ARHGEF2: variants seen among roughly 807,000 people sequenced by gnomAD.
ARHGEF2 encodes rho guanine nucleotide exchange factor 2.
Under a neutral mutation model 121.0 loss-of-function variants are expected in ARHGEF2, and 22 were observed. The ratio of observed to expected loss-of-function variants is 0.18; its 90% confidence interval spans 0.13 to 0.26. The LOEUF is 0.26. Ranked by LOEUF, ARHGEF2 falls within the 10% of genes least tolerant of loss-of-function variation. ARHGEF2 has a pLI of 1.00. For synonymous variants in ARHGEF2, 487 were observed against 530.0 expected (o/e 0.92, Z 1.11); for missense variants, 907 against 1,336.0 (o/e 0.68, Z 5.01).
In ARHGEF2 at chr1:155,952,756, G is replaced by C. The variant is rs779495043; in HGVS notation, c.1856C>G (p.Thr619Ser). 6.8e-6 allele frequency: 11 copies of C among 1,614,066 alleles called. No homozygotes were observed. In the Admixed American group the frequency reaches 1.8e-4, roughly 27 times the overall value. Residue 619 changes from threonine to serine, a missense_variant, in exon 15 of 22, where the codon ACC becomes AGC. Thr to Ser is a moderately conservative substitution (Grantham distance 58). Around this residue, in one of 2 missense-constraint regions of ARHGEF2, gnomAD observed 432 missense variants for 559.5 expected, o/e 0.77. Coordinates refer to ENST00000361247, the MANE Select transcript of ARHGEF2 (RefSeq NM_001162383.2). ...ACCATCCTCTTCGGCCTGGAAATGGGTCATCTCAGCAAACAGCCCGACCTT... is the reference window on the plus strand; with the variant it reads ...ACCATCCTCTTCGGCCTGGAAATGGCTCATCTCAGCAAACAGCCCGACCTT... ...REKVGLFAEMTHFQAEEDGGS... is the reference protein window; with the variant it reads ...REKVGLFAEMSHFQAEEDGGS...
chr1:155,972,378 C>T (rs1205824946), intron 1 of ARHGEF2: 7 of 445,746 alleles, frequency 1.6e-5, no homozygotes, highest in South Asian at 7.8e-5. Context: ...TGCTATTGTC[C>T]CGGAGGTTGC....
At position 155,962,620 on chromosome 1, in the gene ARHGEF2, T is replaced by C; in HGVS notation, c.1074A>G (p.Arg358=). 1 of 1,614,096 alleles carries C rather than the reference T, an allele frequency of 6.2e-7. No individual in the cohort carries two copies. The highest frequency in any genetic ancestry group is 1.1e-5 in the South Asian group (1 of 91,082). Residue 358 remains arginine (R), a synonymous_variant, in exon 9 of 22, where the codon CGA becomes CGG. Transcript: ENST00000361247. This position sits in a 1 kb window ranked among gnomAD's most constrained non-coding sequence, Gnocchi z 5.8. ...GGATGAATTGCTGGAAGCGTTTGTCTCGGGCGTACAGCTCCTTATAGAGCT... is the reference window on the plus strand; with the variant it reads ...GGATGAATTGCTGGAAGCGTTTGTCCCGGGCGTACAGCTCCTTATAGAGCT... ...ALKLYKELYA[R]DKRFQQFIRK...
chr1:155,947,734 G>A lies in ARHGEF2; in HGVS notation c.*208C>T, dbSNP rs932924134. The stretch of plus-strand genomic sequence containing the variant: ...AAGGCATGAACCACTGGCATCTGTG[G>A]TGTAGCTTTCGGATGTCCCAGGGGG... On this transcript the variant is annotated 3_prime_UTR_variant, in exon 22 of 22. Transcript: ENST00000361247. 5.5e-6 allele frequency: 3 copies of A among 544,784 alleles called. No homozygotes were observed. The highest frequency in any genetic ancestry group is 9.8e-6 in the Non-Finnish European group (3 of 304,980). 33.7% of individuals were successfully genotyped at this position (544,784 alleles called of 1,614,324 possible). A position where few individuals can be genotyped will look rare whatever the true frequency, so the allele number is the denominator to read the frequency against.
intron 14 of ARHGEF2, among the ~76,000 whole-genome samples, chr1:155,953,540 G>C (rs1391988286): frequency 6.6e-6 from 1 of 151,054 alleles, no homozygotes; most frequent in Non-Finnish European, 1.5e-5. Context: ...CCAGGAGTTC[G>C]AGACCAGCCT....
At chr1:155,948,725 C>T (rs1674792804) in intron 21 of ARHGEF2, among the ~76,000 whole-genome samples, 1 of 152,146 alleles carries the variant, frequency 6.6e-6, no homozygotes, top group Non-Finnish European at 1.5e-5. Context: ...CACTTAAGCC[C>T]AGGAGTTTGA....
chr1:155,957,886 C>A lies in ARHGEF2; in HGVS notation c.1546-4G>T, dbSNP rs1021446334. On this transcript the variant is annotated splice_polypyrimidine_tract_variant and splice_region_variant and intron_variant, in intron 12 of 21. Coordinates refer to ENST00000361247, the MANE Select transcript of ARHGEF2 (RefSeq NM_001162383.2). ...GCGATACCACTGAAGGCTTGTCCTG[C>A]CAGTCAGGGGAAAGGAAGGATTAAG... 1.2e-6 allele frequency: 2 copies of A among 1,612,646 alleles called. No individual in the cohort carries two copies. Among genetic ancestry groups the A allele is most frequent in the Non-Finnish European group, 1.7e-6 (2 of 1,179,238 alleles).
chr1:155,949,204 G>A (rs1572035802), intron 21 of ARHGEF2, among the ~76,000 whole-genome samples: 1 of 151,840 alleles, frequency 6.6e-6, no homozygotes, highest in East Asian at 1.9e-4. Context: ...AGTGAGCTGA[G>A]ATTGTGCCAC....
chr1:155,978,062 C>CT lies in ARHGEF2; in HGVS notation c.63+302dup, dbSNP rs1412361689. ...ACACCTCCCTCTTCCCGCTCCGTCC[C>CT]TTACCGGAGCAACTTTCTTTCAAGC... On this transcript the variant is annotated intron_variant, in intron 1 of 21. Transcript: ENST00000361247. This position sits in a 1 kb window ranked among gnomAD's most constrained non-coding sequence, Gnocchi z 4.1. 1.6e-5 allele frequency: 18 copies of CT among 1,142,486 alleles called. No homozygotes were observed. In the Middle Eastern group the frequency reaches 1.1e-3, roughly 68 times the overall value. The allele number at this position is 1,142,486 out of a possible 1,614,324, so 70.8% of individuals were successfully genotyped here.
chr1:155,952,545 G>C, intron 15 of ARHGEF2, 83 bp downstream of exon 15: 1 of 1,461,572 alleles, frequency 6.8e-7, no homozygotes, highest in Non-Finnish European at 9.3e-7. Flanking sequence ...CCACTTGTCT[G>C]TGTTTGTCCA....
At chr1:155,974,403 CAG>C (rs1236940720) in intron 1 of ARHGEF2, among the ~76,000 whole-genome samples, 3 of 152,144 alleles carry the variant, frequency 2.0e-5, no homozygotes, top group Non-Finnish European at 4.4e-5. Flanking sequence ...CCCTGTACAG[CAG>C]AGGCGCCGTT....
rs141465288 is a variant in ARHGEF2, at chr1:155,950,439, C to G, written c.2747G>C (p.Arg916Pro). 1.9e-5 allele frequency: 30 copies of G among 1,613,856 alleles called. No homozygotes were observed. In the African/African-American group the frequency reaches 3.9e-4, roughly 21 times the overall value. ...TDRLDLPVTT[R>P]SVHRNFEDRE... is the part of the protein sequence containing the mutation. ...GTCCTCAAAGTTTCGATGGACAGAG[C>G]GAGTAGTGACAGGTAGATCCAGGCG... The change falls in exon 21 of 22, where the codon CGC (arginine) becomes CCC (proline). Residue 916 changes from arginine (R) to proline (P), a missense_variant. By Grantham distance (103) the Arg-to-Pro change is moderately radical. This residue lies in a region of ARHGEF2 where 432 missense variants were observed against 559.5 expected (regional missense o/e 0.77). Transcript: ENST00000361247. This position sits in a 1 kb window ranked among gnomAD's most constrained non-coding sequence, Gnocchi z 5.2.
At chr1:155,975,170 T>A (rs1681105351) in intron 1 of ARHGEF2, among the ~76,000 whole-genome samples, 1 of 152,134 alleles carries the variant, frequency 6.6e-6, no homozygotes, top group Non-Finnish European at 1.5e-5. Context: ...ACGAACCCCC[T>A]ACTTTGCTGA....
chr1:155,966,774 A>C (rs1456819384), intron 3 of ARHGEF2, 46 bp downstream of exon 3: 7 of 1,513,912 alleles, frequency 4.6e-6, no homozygotes, highest in Admixed American at 1.7e-5. Flanking sequence ...GGTACCGCAC[A>C]CTCACTACCC....
chr1:155,956,302 T>C (rs1676659248), intron 13 of ARHGEF2, among the ~76,000 whole-genome samples: 2 of 152,092 alleles, frequency 1.3e-5, no homozygotes, highest in South Asian at 4.2e-4. Flanking sequence ...TTTCACCATA[T>C]TGGCCGGGCT....
intron 1 of ARHGEF2, among the ~76,000 whole-genome samples, chr1:155,974,395 C>T (rs1025150979): frequency 6.6e-6 from 1 of 152,176 alleles, no homozygotes; most frequent in African/African-American, 2.4e-5. Context: ...GGCTCAGCCC[C>T]TGTACAGCAG....
At chr1:155,978,629 G>A, upstream of ARHGEF2, 2 of 1,239,690 alleles carry the variant, frequency 1.6e-6, no homozygotes, top group Non-Finnish European at 2.0e-6. This position sits in a 1 kb window ranked among gnomAD's most constrained non-coding sequence, Gnocchi z 4.1. Context: ...AGGCGGAGCG[G>A]AGGGAGGGCG....
chr1:155,969,321 A>C (rs778114910), intron 1 of ARHGEF2, 21 bp from the exon 2 acceptor site: 1 of 1,612,504 alleles, frequency 6.2e-7, no homozygotes, highest in Non-Finnish European at 8.5e-7. Context: ...GATGAGAGGG[A>C]GAGGAAGTGA....
Position 155,978,084 on chromosome 1 carries a change from A to G in ARHGEF2, c.63+281T>C, listed in dbSNP as rs928596. On this transcript the variant is annotated intron_variant, in intron 1 of 21. Coordinates refer to ENST00000361247, the MANE Select transcript of ARHGEF2 (RefSeq NM_001162383.2). The surrounding 1 kb of genome is among the most constrained non-coding windows in gnomAD (Gnocchi z 4.1). ...TCCCTTACCGGAGCAACTTTCTTTC[A>G]AGCGGCCTAAAGCACTCGGTCCCGC... 809,861 of 1,174,900 alleles carry G rather than the reference A, an allele frequency of 0.69. 290,577 individuals carry two copies. The highest frequency in any genetic ancestry group is 0.77 in the Middle Eastern group (2,264 of 2,944). The allele number at this position is 1,174,900 out of a possible 1,614,324, so 72.8% of individuals were successfully genotyped here. A position where few individuals can be genotyped will look rare whatever the true frequency, so the allele number is the denominator to read the frequency against.
chr1:155,972,045 C>A (rs1680571857), intron 1 of ARHGEF2, among the ~76,000 whole-genome samples: 1 of 152,100 alleles, frequency 6.6e-6, no homozygotes, highest in Non-Finnish European at 1.5e-5. Context: ...TCTTCCACAC[C>A]TGACCTCTGT....
Sources: gnomAD v4.1 joint callset for allele counts (sites outside exome capture counted in the v4.1 genomes callset) on GRCh38, gnomAD v4.1.1 for gene constraint, gnomAD v4.1.1 regional missense constraint, Gnocchi (gnomAD v3.1) non-coding constraint, MANE v1.5 for transcripts, NCBI Gene and HGNC (gene_info 2026-07-23, HGNC 2026-07-21) for gene names.